Variants in ARB2A observed in about 807,000 individuals in gnomAD.
ARB2A encodes cotranscriptional regulator ARB2A.
chr5:93,800,381 T>TCACACACACACACA, the ARB2A span, among the ~76,000 whole-genome samples: 11 of 140,960 alleles, frequency 7.8e-5, no homozygotes, highest in African/African-American at 1.6e-4. Flanking sequence ...CTGCATATTT[T>TCACACACACACACA]CACACACACA....
At chr5:93,810,673 G>A in the ARB2A span, among the ~76,000 whole-genome samples, 1 of 152,058 alleles carries the variant, frequency 6.6e-6, no homozygotes, top group African/African-American at 2.4e-5. Flanking sequence ...CTCCCAAAGA[G>A]CTGGGATTAA....
the ARB2A span, among the ~76,000 whole-genome samples, chr5:93,665,456 C>T: frequency 6.6e-6 from 1 of 152,126 alleles, no homozygotes; most frequent in Non-Finnish European, 1.5e-5. Flanking sequence ...TCACAACAAA[C>T]TTGGACAACA....
the ARB2A span, among the ~76,000 whole-genome samples, chr5:93,967,583 T>C: frequency 6.6e-6 from 1 of 152,028 alleles, no homozygotes; most frequent in Non-Finnish European, 1.5e-5. Context: ...AGTTAAAAAC[T>C]AGGAGGAGGT....
chr5:93,771,286 C>T, the ARB2A span, among the ~76,000 whole-genome samples: 95 of 151,800 alleles, frequency 6.3e-4, no homozygotes, highest in Middle Eastern at 3.4e-3. Flanking sequence ...CTTCCTTACA[C>T]CTTATACAAA....
the ARB2A span, among the ~76,000 whole-genome samples, chr5:93,813,461 T>C: frequency 6.6e-6 from 1 of 152,118 alleles, no homozygotes; most frequent in Admixed American, 6.5e-5. Context: ...ATAGAGAGCT[T>C]ATAGATTTTG....
the ARB2A span, among the ~76,000 whole-genome samples, chr5:94,083,497 T>C: frequency 6.6e-6 from 1 of 151,802 alleles, no homozygotes; most frequent in African/African-American, 2.4e-5. Flanking sequence ...CATAGAAAAC[T>C]AGGAATCAAA....
the ARB2A span, among the ~76,000 whole-genome samples, chr5:94,019,412 A>G: frequency 2.6e-5 from 4 of 152,234 alleles, no homozygotes; most frequent in South Asian, 8.3e-4. Context: ...AAGAGCTAAT[A>G]TCCAGAATCT....
At chr5:94,089,006 A>G in the ARB2A span, among the ~76,000 whole-genome samples, 1 of 152,186 alleles carries the variant, frequency 6.6e-6, no homozygotes, top group Non-Finnish European at 1.5e-5. Flanking sequence ...TTCAATTCCG[A>G]GAAAAAATAA....
At chr5:93,851,452 T>C in the ARB2A span, among the ~76,000 whole-genome samples, 1 of 152,162 alleles carries the variant, frequency 6.6e-6, no homozygotes, top group Non-Finnish European at 1.5e-5. Flanking sequence ...GTATTTTTAC[T>C]TTATTTTATT....
At chr5:93,637,657 T>C in the ARB2A span, among the ~76,000 whole-genome samples, 1 of 152,198 alleles carries the variant, frequency 6.6e-6, no homozygotes, top group Non-Finnish European at 1.5e-5. Flanking sequence ...TGAAGTTAGG[T>C]AGACTGATTT....
the ARB2A span, among the ~76,000 whole-genome samples, chr5:93,963,590 C>T: frequency 2.6e-4 from 40 of 151,868 alleles, 1 homozygote; most frequent in African/African-American, 8.9e-4. Flanking sequence ...CTCAAACCCT[C>T]GAATTTATAA....
At chr5:93,628,054 T>A in the ARB2A span, among the ~76,000 whole-genome samples, 1 of 21,308 alleles carries the variant, frequency 4.7e-5, no homozygotes. Context: ...GTAGCATAAT[T>A]TTTTTTTTTT....
At chr5:94,096,599 T>A in the ARB2A span, among the ~76,000 whole-genome samples, 1 of 152,146 alleles carries the variant, frequency 6.6e-6, no homozygotes, top group Admixed American at 6.5e-5. Context: ...TGTTAGCACC[T>A]CTTTAACTTC....
chr5:93,717,031 G>T, the ARB2A span, among the ~76,000 whole-genome samples: 332 of 152,132 alleles, frequency 2.2e-3, no homozygotes, highest in African/African-American at 7.7e-3. Context: ...TTAGATCAAA[G>T]AATGTATACT....
chr5:94,039,794 G>A, the ARB2A span, among the ~76,000 whole-genome samples: 1 of 152,046 alleles, frequency 6.6e-6, no homozygotes, highest in Non-Finnish European at 1.5e-5. Flanking sequence ...CCAAACCAAA[G>A]GCTAACTTTG....
At chr5:93,767,006 A>G in the ARB2A span, among the ~76,000 whole-genome samples, 1 of 127,894 alleles carries the variant, frequency 7.8e-6, no homozygotes, top group African/African-American at 3.0e-5. Flanking sequence ...ACATGGACAC[A>G]GGAAGGGGAA....
the ARB2A span, among the ~76,000 whole-genome samples, chr5:93,977,816 C>T: frequency 1.3e-5 from 2 of 152,104 alleles, no homozygotes. Flanking sequence ...AACTGTCAAA[C>T]GAGTTAACTG....
At chr5:93,731,468 A>T in the ARB2A span, among the ~76,000 whole-genome samples, 2 of 152,148 alleles carry the variant, frequency 1.3e-5, no homozygotes, top group African/African-American at 2.4e-5. Flanking sequence ...AGCCTCCAGA[A>T]CTGCATGAAA....
chr5:93,768,868 G>A, the ARB2A span, among the ~76,000 whole-genome samples: 1 of 151,976 alleles, frequency 6.6e-6, no homozygotes, highest in Non-Finnish European at 1.5e-5. Flanking sequence ...ACAGGTATGA[G>A]CCACTATGCT....
Sources: allele counts gnomAD v4.1 joint callset (sites outside exome capture counted in the v4.1 genomes callset), GRCh38; gene constraint gnomAD v4.1.1; transcripts MANE v1.5; gene names NCBI Gene and HGNC (gene_info 2026-07-23, HGNC 2026-07-21).